RETREG1: variants seen among roughly 807,000 people sequenced by gnomAD.
RETREG1 encodes the protein reticulophagy regulator 1, also known as family with sequence similarity 134 member B.
A neutral mutation model predicts 54.8 loss-of-function variants in RETREG1; 44 were observed. That is an observed-to-expected ratio of 0.80 (90% CI 0.63 to 1.03). The LOEUF is 1.03. Among genes scored for constraint, RETREG1 ranks in the 50% least tolerant of loss-of-function variants. The probability of loss-of-function intolerance (pLI) is 0.00; values close to 1 mark genes in which losing one functional copy is unlikely to be tolerated. For synonymous variants in RETREG1, 217 were observed against 238.5 expected (o/e 0.91, Z 0.83); for missense variants, 554 against 605.1 (o/e 0.92, Z 0.89).
Position 16,573,808 on chromosome 5 carries a change from G to A in RETREG1, c.321-1706C>T, listed in dbSNP as rs111920138. 6.5e-3 allele frequency among the ~76,000 whole-genome samples: 921 copies of A among 140,986 alleles called. 7 individuals are homozygous for A. The highest frequency in any genetic ancestry group is 0.022 in the African/African-American group (875 of 39,426). 92.5% of individuals were successfully genotyped at this position (140,986 alleles called of 152,430 possible). On this transcript the variant is annotated intron_variant, in intron 1 of 8. Transcript: ENST00000306320. ...CACCCAGGCTGGAGTGCAGTGGCACGATCTTGGCTCACTGCAACCTTCTCC... is the reference window on the plus strand; with the variant it reads ...CACCCAGGCTGGAGTGCAGTGGCACAATCTTGGCTCACTGCAACCTTCTCC...
chr5:16,541,739 G>GGAAGGAAGGAA (rs1741252409), intron 3 of RETREG1, among the ~76,000 whole-genome samples: 5 of 102,254 alleles, frequency 4.9e-5, no homozygotes, highest in African/African-American at 1.8e-4. Flanking sequence ...GAGGGAGGGA[G>GGAAGGAAGGAA]GGAAGGAAGG....
At chr5:16,525,767 G>C (rs1456026607) in intron 3 of RETREG1, among the ~76,000 whole-genome samples, 2 of 151,112 alleles carry the variant, frequency 1.3e-5, no homozygotes, top group South Asian at 2.1e-4. Flanking sequence ...TATATACACA[G>C]AGAGGGAGAG....
chr5:16,607,469 CTGGGTGTGGTGGCAGG>C (rs1743223472), intron 1 of RETREG1, among the ~76,000 whole-genome samples: 1 of 152,030 alleles, frequency 6.6e-6, no homozygotes, highest in African/African-American at 2.4e-5. Flanking sequence ...CAAAAATTAG[CTGGGTGTGGTGGCAGG>C]TGCCTGTAAT....
chr5:16,511,058 G>A (rs1740159598), intron 3 of RETREG1, among the ~76,000 whole-genome samples: 1 of 152,120 alleles, frequency 6.6e-6, no homozygotes, highest in Admixed American at 6.6e-5. Flanking sequence ...CTGATTTAGT[G>A]CTATAACAGA....
chr5:16,536,505 T>C (rs1202915561), intron 3 of RETREG1, among the ~76,000 whole-genome samples: 3 of 152,102 alleles, frequency 2.0e-5, no homozygotes, highest in African/African-American at 7.2e-5. Context: ...GGTTCACCCC[T>C]GGACCCTGAC....
At chr5:16,603,659 C>G (rs1743106517) in intron 1 of RETREG1, among the ~76,000 whole-genome samples, 1 of 152,048 alleles carries the variant, frequency 6.6e-6, no homozygotes, top group African/African-American at 2.4e-5. Flanking sequence ...TCCCAGCCCC[C>G]CAGCCCAACC....
At chr5:16,579,996 G>A (rs1043746979) in intron 1 of RETREG1, among the ~76,000 whole-genome samples, 4 of 152,220 alleles carry the variant, frequency 2.6e-5, no homozygotes, top group African/African-American at 7.2e-5. Flanking sequence ...AGTTCCATCA[G>A]CATGCTGGCT....
intron 1 of RETREG1, among the ~76,000 whole-genome samples, chr5:16,579,711 G>T (rs1344313303): frequency 6.6e-6 from 1 of 152,198 alleles, no homozygotes; most frequent in Non-Finnish European, 1.5e-5. Flanking sequence ...CACACAGTAT[G>T]TGGCTTTTTC....
rs886060394 is a variant in RETREG1, at chr5:16,474,935, G to C, written c.1300C>G (p.Gln434Glu). 5.6e-6 allele frequency: 9 copies of C among 1,613,900 alleles called. No individual in the cohort carries two copies. The highest frequency in any genetic ancestry group is 7.6e-6 in the Non-Finnish European group (9 of 1,179,934). ...ATGGGGGCAGCCTGAGAAAGTGCTT[G>C]CTGCACACCCTCTAACTGGTCTTTG... ...AIKDQLEGVQ[Q>E]ALSQAAPIPE... Residue 434 changes from glutamine to glutamate, a missense_variant, in exon 9 of 9, where the codon CAA becomes GAA. Coordinates refer to ENST00000306320, the MANE Select transcript of RETREG1 (RefSeq NM_001034850.3).
chr5:16,616,478 A>C, intron 1 of RETREG1, 174 bp downstream of exon 1: 1 of 1,147,260 alleles, frequency 8.7e-7, no homozygotes, highest in East Asian at 2.9e-5. Context: ...CGTCCGGAGG[A>C]AAGTTGCGGT....
At chr5:16,530,523 A>C (rs1008468402) in intron 3 of RETREG1, among the ~76,000 whole-genome samples, 1 of 152,206 alleles carries the variant, frequency 6.6e-6, no homozygotes, top group Non-Finnish European at 1.5e-5. Context: ...TCATATGCAA[A>C]ACACTGAGAC....
At chr5:16,615,933 A>G (rs530890062) in intron 1 of RETREG1, 54 of 152,344 alleles carry the variant, frequency 3.5e-4, no homozygotes, top group African/African-American at 1.2e-3. Context: ...ACCACTTTCA[A>G]CGAAGGAGAC....
intron 3 of RETREG1, among the ~76,000 whole-genome samples, chr5:16,497,265 A>G (rs2126543369): frequency 6.6e-6 from 1 of 152,344 alleles, no homozygotes; most frequent in East Asian, 1.9e-4. Context: ...CCCAGTCTCC[A>G]GCTTCAATCC....
intron 3 of RETREG1, among the ~76,000 whole-genome samples, chr5:16,500,216 A>G (rs1739647051): frequency 6.6e-6 from 1 of 152,182 alleles, no homozygotes; most frequent in South Asian, 2.1e-4. Context: ...CATTCCCTAC[A>G]CCACCGTTGC....
At chr5:16,612,776 T>A (rs28645263) in intron 1 of RETREG1, among the ~76,000 whole-genome samples, 3 of 151,924 alleles carry the variant, frequency 2.0e-5, no homozygotes, top group African/African-American at 4.8e-5. Flanking sequence ...TCATAAAATA[T>A]ACCATAGATA....
chr5:16,504,069 C>T (rs1239750088), intron 3 of RETREG1, among the ~76,000 whole-genome samples: 2 of 152,164 alleles, frequency 1.3e-5, no homozygotes, highest in Non-Finnish European at 1.5e-5. Context: ...AACCCATCCC[C>T]AACAGGCCCC....
Position 16,483,357 on chromosome 5 carries a change from T to G in RETREG1, c.574A>C (p.Ser192Arg), listed in dbSNP as rs761174049. The G allele has an allele frequency of 6.8e-6, 11 of 1,613,214 alleles. No individual in the cohort carries two copies. The highest frequency in any genetic ancestry group is 2.7e-5 in the African/African-American group (2 of 74,902). The change falls in exon 4 of 9, where the codon AGC becomes CGC. Residue 192 changes from serine to arginine, a missense_variant. By Grantham distance (110) the Ser-to-Arg change is moderately radical. This residue lies in a region of RETREG1 where 347 missense variants were observed against 412.3 expected (regional missense o/e 0.84). Coordinates refer to ENST00000306320, the MANE Select transcript of RETREG1 (RefSeq NM_001034850.3). Reference sequence around the variant, plus strand: ...ACTGGAAAACTTGCCTTGCCAGGGCTCTGCTGTTTAAAAAGAGACATTTCT... The same window carrying G: ...ACTGGAAAACTTGCCTTGCCAGGGCGCTGCTGTTTAAAAAGAGACATTTCT... ...LQEMSLFKQQ[S>R]PGKFCLLVCS...
In RETREG1 at chr5:16,474,995, C is replaced by T; in HGVS notation, c.1240G>A (p.Gly414Arg). 8.1e-6 allele frequency: 13 copies of T among 1,613,290 alleles called. No individual in the cohort carries two copies. The highest frequency in any genetic ancestry group is 1.1e-5 in the Non-Finnish European group (13 of 1,179,382). Residue 414 changes from glycine (G) to arginine (R), a missense_variant, in exon 9 of 9, where the codon GGG becomes AGG. Around this residue, in one of 4 missense-constraint regions of RETREG1, gnomAD observed 347 missense variants for 412.3 expected, o/e 0.84. Transcript: ENST00000306320. Reference protein sequence around the residue: ...QTFHLMSNLAGDVITAAVTAA... With the variant: ...QTFHLMSNLARDVITAAVTAA... ...GTCACTGCAGCTGTGATAACATCCC[C>T]AGCCAGGTTGCTCATCAGGTGAAAG...
At chr5:16,595,125 C>T (rs1016148741) in intron 1 of RETREG1, among the ~76,000 whole-genome samples, 33 of 152,350 alleles carry the variant, frequency 2.2e-4, no homozygotes, top group African/African-American at 7.7e-4. Flanking sequence ...AACCATGAAG[C>T]CATTTCCTGA....
Sources: allele counts gnomAD v4.1 joint callset (sites outside exome capture counted in the v4.1 genomes callset), GRCh38; gene constraint gnomAD v4.1.1; regional missense constraint gnomAD v4.1.1; transcripts MANE v1.5; gene names NCBI Gene and HGNC (gene_info 2026-07-23, HGNC 2026-07-21).